Variants in STK24 observed in about 807,000 individuals in gnomAD.
STK24 encodes the protein serine/threonine-protein kinase 24.
In STK24, 21 loss-of-function variants were observed where a neutral mutation model predicts 55.6. That is an observed-to-expected ratio of 0.38 (90% CI 0.27 to 0.54). The LOEUF (loss-of-function observed/expected upper bound fraction) is 0.54. Among genes scored for constraint, STK24 ranks in the 20% least tolerant of loss-of-function variants. STK24 has a pLI of 0.79. For synonymous variants in STK24, 200 were observed against 215.2 expected (o/e 0.93, Z 0.62); for missense variants, 383 against 538.4 (o/e 0.71, Z 2.86).
intron 2 of STK24, among the ~76,000 whole-genome samples, chr13:98,489,518 C>T (rs1894938761): frequency 6.6e-6 from 1 of 152,246 alleles, no homozygotes; most frequent in Non-Finnish European, 1.5e-5. Flanking sequence ...AACACCCTGG[C>T]TCTGGCTTTC....
intron 1 of STK24, among the ~76,000 whole-genome samples, chr13:98,544,343 C>T (rs750330717): frequency 7.2e-5 from 11 of 152,230 alleles, no homozygotes; most frequent in Non-Finnish European, 1.6e-4. Flanking sequence ...GCCTGGCCCA[C>T]GAGGGCATCT....
chr13:98,467,645 G>C (rs1013565504), intron 5 of STK24, among the ~76,000 whole-genome samples: 10 of 152,118 alleles, frequency 6.6e-5, no homozygotes, highest in African/African-American at 2.2e-4. Context: ...TGTCCCAGAG[G>C]AGACATCTGC....
chr13:98,499,161 C>A (rs911037424), intron 2 of STK24, among the ~76,000 whole-genome samples: 3 of 152,054 alleles, frequency 2.0e-5, no homozygotes, highest in Non-Finnish European at 4.4e-5. Context: ...TCACTTGAAC[C>A]CAGGAGGCGG....
intron 2 of STK24, among the ~76,000 whole-genome samples, chr13:98,482,605 A>C (rs1377151317): frequency 6.6e-6 from 1 of 152,184 alleles, no homozygotes; most frequent in African/African-American, 2.4e-5. Context: ...GGATCTCAGA[A>C]AGCAGACTGG....
chr13:98,497,067 G>A (rs939383672), intron 2 of STK24, among the ~76,000 whole-genome samples: 2 of 152,132 alleles, frequency 1.3e-5, no homozygotes, highest in Non-Finnish European at 2.9e-5. Context: ...CAGAGGCTAG[G>A]TGCCCAGCAG....
At chr13:98,493,812 G>C (rs1895134352) in intron 2 of STK24, among the ~76,000 whole-genome samples, 1 of 150,732 alleles carries the variant, frequency 6.6e-6, no homozygotes, top group Non-Finnish European at 1.5e-5. Flanking sequence ...AAAGAATAAA[G>C]ACTTAACGGT....
At chr13:98,540,268 G>C (rs1238714192) in intron 1 of STK24, among the ~76,000 whole-genome samples, 5 of 152,192 alleles carry the variant, frequency 3.3e-5, no homozygotes, top group Non-Finnish European at 7.3e-5. Flanking sequence ...GAAATGTTCT[G>C]CTCTGATTGA....
intron 2 of STK24, among the ~76,000 whole-genome samples, chr13:98,485,834 G>A (rs1225692607): frequency 6.6e-6 from 1 of 152,214 alleles, no homozygotes; most frequent in South Asian, 2.1e-4. Context: ...GATGGAGCCC[G>A]CTAGACACAG....
intron 1 of STK24, among the ~76,000 whole-genome samples, chr13:98,519,678 A>C (rs892615213): frequency 3.3e-5 from 5 of 152,216 alleles, no homozygotes; most frequent in Non-Finnish European, 7.3e-5. Context: ...TGCGCATCAG[A>C]CTATGAAAGG....
chr13:98,462,257 T>C (rs896371070), intron 7 of STK24, among the ~76,000 whole-genome samples: 2 of 152,166 alleles, frequency 1.3e-5, no homozygotes, highest in Non-Finnish European at 2.9e-5. Context: ...GATGTCCCTG[T>C]GTTGGGTGTG....
At chr13:98,526,968 C>T (rs1247859346) in intron 1 of STK24, among the ~76,000 whole-genome samples, 14 of 152,196 alleles carry the variant, frequency 9.2e-5, no homozygotes, top group Non-Finnish European at 1.8e-4. Flanking sequence ...GAGGATAACA[C>T]GCCCATATGG....
intron 2 of STK24, among the ~76,000 whole-genome samples, chr13:98,502,701 C>T (rs72655625): frequency 0.036 from 5,492 of 152,244 alleles, 147 homozygotes; most frequent in South Asian, 0.12. Context: ...GCAAGAAAGC[C>T]CTCGCCAGAT....
At chr13:98,542,380 AAAC>A (rs200407581) in intron 1 of STK24, among the ~76,000 whole-genome samples, 1,605 of 151,886 alleles carry the variant, frequency 0.011, 25 homozygotes, top group African/African-American at 0.036. Context: ...TCCTATGCAC[AAAC>A]AACAACAACA....
chr13:98,478,318 T>G lies in STK24; in HGVS notation c.331-2960A>C, dbSNP rs1894461043. ...TGCTTCGAAGCTCTGTAACAGGGAC[T>G]ATTGGCCGGGGCACTCAGCCACAAC... On this transcript the variant is annotated intron_variant, in intron 3 of 10. Transcript: ENST00000539966. Among the ~76,000 whole-genome samples, 4 of 152,246 alleles carry G rather than the reference T, an allele frequency of 2.6e-5. No individual in the cohort carries two copies. In the South Asian group the frequency reaches 8.3e-4, roughly 31 times the overall value.
At chr13:98,571,319 G>A (rs114120102) in intron 1 of STK24, among the ~76,000 whole-genome samples, 144 of 152,210 alleles carry the variant, frequency 9.5e-4, no homozygotes, top group African/African-American at 3.3e-3. Flanking sequence ...GCATCAGACC[G>A]TAGCTCCAAG....
Position 98,533,568 on chromosome 13 carries a change from T to A in STK24, c.43-14095A>T, listed in dbSNP as rs1896635579. 2.6e-5 allele frequency among the ~76,000 whole-genome samples: 4 copies of A among 151,886 alleles called. No homozygotes were observed. In the South Asian group the frequency reaches 8.3e-4, roughly 32 times the overall value. ...GGAAGGCTGAGGTGGGAGAATCACT[T>A]GAGCCCAGGAGTTTGAGGCTGCAAT... On this transcript the variant is annotated intron_variant, in intron 1 of 10. Coordinates refer to ENST00000539966, the MANE Select transcript of STK24 (RefSeq NM_001032296.4).
intron 2 of STK24, among the ~76,000 whole-genome samples, chr13:98,502,268 C>A (rs1282791663): frequency 6.6e-6 from 1 of 152,144 alleles, no homozygotes; most frequent in Non-Finnish European, 1.5e-5. Context: ...GCGTTCCTGG[C>A]CCGAAGCAGA....
chr13:98,482,801 T>C (rs1894648009), intron 2 of STK24, among the ~76,000 whole-genome samples: 1 of 152,096 alleles, frequency 6.6e-6, no homozygotes, highest in Admixed American at 6.6e-5. Context: ...ACCGTGTGTC[T>C]CCAGGTCCCT....
chr13:98,543,178 A>G (rs551827035), intron 1 of STK24: 6 of 245,184 alleles, frequency 2.4e-5, no homozygotes, highest in Non-Finnish European at 3.3e-5. Flanking sequence ...GTCCCCACAG[A>G]GTTGTTTTTT....
Sources: allele counts gnomAD v4.1 joint callset (sites outside exome capture counted in the v4.1 genomes callset), GRCh38; gene constraint gnomAD v4.1.1; transcripts MANE v1.5; gene names NCBI Gene and HGNC (gene_info 2026-07-23, HGNC 2026-07-21).